The following CTNNA3 variants were observed in gnomAD, a reference collection of about 807,000 sequenced individuals.
The protein encoded by CTNNA3 is catenin alpha 3, also known as catenin alpha-3.
CTNNA3 carries 76 observed loss-of-function variants against 95.7 expected under a neutral mutation model. The ratio of observed to expected loss-of-function variants is 0.79; its 90% CI spans 0.66 to 0.96. The LOEUF (loss-of-function observed/expected upper bound fraction) is 0.96. Among genes scored for constraint, CTNNA3 ranks in the 40% least tolerant of loss-of-function variants. The probability of loss-of-function intolerance (pLI) is 0.00; values close to 1 mark genes in which losing one functional copy is unlikely to be tolerated. For missense variants in CTNNA3, 1,191 were observed against 1,089.8 expected, an observed-to-expected ratio of 1.09 and a Z score of -1.31; for synonymous variants, 431 against 374.4, an observed-to-expected ratio of 1.15 and a Z score of -1.74.
chr10:67,648,839 C>A (rs1839796697), intron 1 of CTNNA3: 1 of 1,241,492 alleles, frequency 8.1e-7, no homozygotes, highest in African/African-American at 1.5e-5. Context: ...AGACACGCTT[C>A]AAGAAAGGCT....
At chr10:66,566,674 C>T (rs550249937) in intron 10 of CTNNA3, among the ~76,000 whole-genome samples, 2 of 152,082 alleles carry the variant, frequency 1.3e-5, no homozygotes, top group African/African-American at 4.8e-5. Context: ...CCTCTTCATG[C>T]TCCAAGAGGC....
chr10:67,231,571 T>G (rs1266538667), intron 5 of CTNNA3, among the ~76,000 whole-genome samples: 1 of 151,876 alleles, frequency 6.6e-6, no homozygotes, highest in African/African-American at 2.4e-5. Flanking sequence ...CACAAAGATG[T>G]GGAAAAAACA....
At chr10:67,081,025 T>C (rs1312817968) in intron 7 of CTNNA3, among the ~76,000 whole-genome samples, 3 of 152,096 alleles carry the variant, frequency 2.0e-5, no homozygotes, top group African/African-American at 7.2e-5. Context: ...CAGTCCCTTA[T>C]ATTTACCCTA....
intron 15 of CTNNA3, among the ~76,000 whole-genome samples, chr10:66,064,043 A>G (rs953079360): frequency 1.3e-5 from 2 of 152,208 alleles, no homozygotes; most frequent in Admixed American, 6.6e-5. Context: ...AATTTATAAG[A>G]GGAAGAGGTT....
intron 7 of CTNNA3, among the ~76,000 whole-genome samples, chr10:67,113,276 T>C (rs1859001010): frequency 6.6e-6 from 1 of 152,216 alleles, no homozygotes; most frequent in Admixed American, 6.5e-5. Flanking sequence ...TTATCTTAAC[T>C]TTAGGATGCT....
At chr10:66,893,432 C>T (rs1845348981) in intron 7 of CTNNA3, among the ~76,000 whole-genome samples, 1 of 151,728 alleles carries the variant, frequency 6.6e-6, no homozygotes, top group Admixed American at 6.6e-5. Context: ...TCTCTAACAA[C>T]CAGAGAATTG....
At chr10:66,286,270 TC>T (rs1459751207) in intron 12 of CTNNA3, among the ~76,000 whole-genome samples, 1 of 152,050 alleles carries the variant, frequency 6.6e-6, no homozygotes, top group Non-Finnish European at 1.5e-5. Context: ...GCACATACCA[TC>T]TTTTACTTTT....
At chr10:67,613,759 C>T (rs1260999654) in intron 2 of CTNNA3, among the ~76,000 whole-genome samples, 1 of 152,114 alleles carries the variant, frequency 6.6e-6, no homozygotes, top group Non-Finnish European at 1.5e-5. Flanking sequence ...GCTGCCATAA[C>T]AAAATACCAC....
chr10:65,936,280 A>C (rs10996782), intron 17 of CTNNA3, among the ~76,000 whole-genome samples: 19,567 of 152,140 alleles, frequency 0.13, 1,562 homozygotes, highest in Middle Eastern at 0.21. Context: ...GGTGCAAAAG[A>C]GTTCTATGAA....
At chr10:67,530,326 T>C (rs1048686262) in intron 4 of CTNNA3, among the ~76,000 whole-genome samples, 19 of 152,198 alleles carry the variant, frequency 1.2e-4, no homozygotes, top group African/African-American at 4.3e-4. Flanking sequence ...TAGAGACTTG[T>C]TGAATGGCTT....
At chr10:67,469,224 C>T (rs970034891) in intron 5 of CTNNA3, among the ~76,000 whole-genome samples, 1 of 152,122 alleles carries the variant, frequency 6.6e-6, no homozygotes, top group African/African-American at 2.4e-5. Context: ...TTCATTCTAT[C>T]CAAAATCATT....
chr10:66,629,310 A>G (rs1478874194), intron 9 of CTNNA3, among the ~76,000 whole-genome samples: 1 of 152,096 alleles, frequency 6.6e-6, no homozygotes, highest in Non-Finnish European at 1.5e-5. Context: ...CAAGGCAGAG[A>G]GCTACAGGTC....
chr10:65,993,434 T>C (rs2078584206), intron 15 of CTNNA3, among the ~76,000 whole-genome samples: 1 of 152,216 alleles, frequency 6.6e-6, no homozygotes. Context: ...TCATATTGGG[T>C]ACATATGTAT....
intron 7 of CTNNA3, among the ~76,000 whole-genome samples, chr10:67,122,587 T>C (rs183266246): frequency 9.2e-5 from 14 of 152,150 alleles, no homozygotes; most frequent in African/African-American, 2.7e-4. Context: ...ATCTATCTTG[T>C]TCATAACTAA....
intron 13 of CTNNA3, among the ~76,000 whole-genome samples, chr10:66,271,603 C>T (rs2091282792): frequency 6.6e-6 from 1 of 152,208 alleles, no homozygotes; most frequent in Admixed American, 6.5e-5. Context: ...CTTCCATTCA[C>T]AATGTTAGCC....
At chr10:67,498,335 A>G (rs1839103568) in intron 5 of CTNNA3, among the ~76,000 whole-genome samples, 1 of 152,196 alleles carries the variant, frequency 6.6e-6, no homozygotes, top group Admixed American at 6.5e-5. Flanking sequence ...TGGTTACTGC[A>G]GCCTTGTAGT....
intron 7 of CTNNA3, among the ~76,000 whole-genome samples, chr10:66,967,328 A>G (rs1237439177): frequency 7.0e-6 from 1 of 143,478 alleles, no homozygotes; most frequent in African/African-American, 2.5e-5. Flanking sequence ...AGATATGGAT[A>G]TAGACATATA....
chr10:66,158,349 C>G (rs1261505447), intron 13 of CTNNA3, among the ~76,000 whole-genome samples: 1 of 151,902 alleles, frequency 6.6e-6, no homozygotes, highest in Non-Finnish European at 1.5e-5. Flanking sequence ...GATGAGGATC[C>G]AGTTTCATTC....
chr10:67,445,310 C>G (rs1846703732), intron 5 of CTNNA3, among the ~76,000 whole-genome samples: 2 of 151,480 alleles, frequency 1.3e-5, no homozygotes, highest in South Asian at 4.2e-4. Context: ...AACAAAATAA[C>G]AGGCATAAGT....
Sources: gnomAD v4.1 joint callset for allele counts (sites outside exome capture counted in the v4.1 genomes callset) on GRCh38, gnomAD v4.1.1 for gene constraint, MANE v1.5 for transcripts, NCBI Gene and HGNC (gene_info 2026-07-23, HGNC 2026-07-21) for gene names.